Variants in SMG6 observed in about 807,000 individuals in gnomAD.
The protein encoded by SMG6 is SMG6 nonsense mediated mRNA decay factor, also known as telomerase-binding protein EST1A.
SMG6 carries 66 observed loss-of-function variants against 142.2 expected under a neutral mutation model. The ratio of observed to expected loss-of-function variants is 0.46; its 90% CI spans 0.38 to 0.57. The LOEUF (loss-of-function observed/expected upper bound fraction) is 0.57, where lower values mean the gene tolerates loss of function less well. Among genes scored for constraint, SMG6 ranks in the 20% least tolerant of loss-of-function variants. SMG6 has a pLI of 0.00. For synonymous variants in SMG6, 779 were observed against 702.4 expected, an observed-to-expected ratio of 1.11 and a Z score of -1.72; for missense variants, 1,793 against 1,832.0, an observed-to-expected ratio of 0.98 and a Z score of 0.39.
intron 13 of SMG6, among the ~76,000 whole-genome samples, chr17:2,121,436 G>C (rs1451594265): frequency 6.6e-6 from 1 of 151,954 alleles, no homozygotes; most frequent in African/African-American, 2.4e-5. Context: ...ATTTATATGG[G>C]GTTCTAAAAT....
At chr17:2,222,072 G>T (rs1023692728) in intron 10 of SMG6, among the ~76,000 whole-genome samples, 4 of 152,112 alleles carry the variant, frequency 2.6e-5, no homozygotes, top group African/African-American at 9.7e-5. Flanking sequence ...TATAACGCAT[G>T]TTTACTGAGA....
At chr17:2,077,627 C>T (rs1057137223) in intron 15 of SMG6, among the ~76,000 whole-genome samples, 3 of 152,178 alleles carry the variant, frequency 2.0e-5, no homozygotes, top group Non-Finnish European at 2.9e-5. Context: ...TGGTTCATTC[C>T]GAGGCCTCAC....
chr17:2,169,114 CA>C (rs1292678199), intron 13 of SMG6, among the ~76,000 whole-genome samples: 2 of 149,680 alleles, frequency 1.3e-5, no homozygotes, highest in East Asian at 4.1e-4. Flanking sequence ...ACTCAAAATA[CA>C]AAAAATTTAG....
intron 6 of SMG6, 91 bp downstream of exon 6, chr17:2,292,461 G>A: frequency 8.0e-7 from 1 of 1,255,654 alleles, no homozygotes; most frequent in Non-Finnish European, 1.2e-6. Context: ...GTGATGAGAT[G>A]AAATGAAGCT....
chr17:2,242,753 C>A (rs2073841448), intron 9 of SMG6, among the ~76,000 whole-genome samples: 1 of 143,564 alleles, frequency 7.0e-6, no homozygotes, highest in Non-Finnish European at 1.5e-5. Context: ...TCAACTGTCA[C>A]TTTAAGTGTA....
At chr17:2,190,494 T>C (rs2072126575) in intron 10 of SMG6, among the ~76,000 whole-genome samples, 1 of 152,208 alleles carries the variant, frequency 6.6e-6, no homozygotes, top group South Asian at 2.1e-4. Context: ...AGCCCAGTTC[T>C]GTATTTATGA....
At chr17:2,172,986 C>G in intron 12 of SMG6, 127 bp from the exon 13 acceptor site, 1 of 883,564 alleles carries the variant, frequency 1.1e-6, no homozygotes, top group Admixed American at 2.3e-5. Flanking sequence ...GCCAGGAAAT[C>G]ATACCCCAAA....
chr17:2,124,170 G>C (rs2069795284), intron 13 of SMG6, among the ~76,000 whole-genome samples: 1 of 152,220 alleles, frequency 6.6e-6, no homozygotes, highest in South Asian at 2.1e-4. Context: ...CTGACACCAG[G>C]ACACCCAAGT....
At chr17:2,247,652 G>A (rs1485019288) in intron 8 of SMG6, among the ~76,000 whole-genome samples, 1 of 151,540 alleles carries the variant, frequency 6.6e-6, no homozygotes, top group Non-Finnish European at 1.5e-5. Flanking sequence ...GCCGGGTGGT[G>A]GGTGCCTGTA....
intron 12 of SMG6, among the ~76,000 whole-genome samples, chr17:2,184,997 G>T (rs1267387460): frequency 2.4e-5 from 3 of 124,502 alleles, no homozygotes; most frequent in East Asian, 5.2e-4. Context: ...GACAGCTATA[G>T]ATGTGGACAC....
chr17:2,195,627 T>A, intron 10 of SMG6, among the ~76,000 whole-genome samples: 1 of 152,236 alleles, frequency 6.6e-6, no homozygotes, highest in East Asian at 1.9e-4. Flanking sequence ...TAACCATGAA[T>A]GACATGATTC....
chr17:2,145,767 G>C (rs2070651082), intron 13 of SMG6, among the ~76,000 whole-genome samples: 1 of 151,554 alleles, frequency 6.6e-6, no homozygotes, highest in South Asian at 2.1e-4. Flanking sequence ...AAGCCACAGA[G>C]AGGAAAATCC....
In SMG6 at chr17:2,299,186, T is replaced by C. The variant is rs150305573; in HGVS notation, c.1567A>G (p.Thr523Ala). 240 of 1,613,402 alleles carry C rather than the reference T, an allele frequency of 1.5e-4. 1 individual carries two copies. In the African/African-American group the frequency reaches 2.1e-3, roughly 14 times the overall value. Residue 523 changes from threonine (T) to alanine (A), a missense_variant, in exon 2 of 19, where the codon ACG becomes GCG. Coordinates refer to ENST00000263073, the MANE Select transcript of SMG6 (RefSeq NM_017575.5). This position sits in a 1 kb window ranked among gnomAD's most constrained non-coding sequence, Gnocchi z 4.3. ...TPGPASQYPY[T>A]GYNPLQYPVG... Reference sequence around the variant, plus strand: ...GGGTACTGTAGAGGGTTATAGCCCGTATAGGGATACTGGGAGGCAGGGCCT... The same window carrying C: ...GGGTACTGTAGAGGGTTATAGCCCGCATAGGGATACTGGGAGGCAGGGCCT...
chr17:2,232,209 T>C (rs911357422), intron 10 of SMG6, among the ~76,000 whole-genome samples: 2 of 152,090 alleles, frequency 1.3e-5, no homozygotes, highest in African/African-American at 2.4e-5. Flanking sequence ...TTCAAGAAAC[T>C]AGAGTTTTAT....
chr17:2,268,123 T>C (rs62069345), intron 8 of SMG6, among the ~76,000 whole-genome samples: 3,513 of 152,264 alleles, frequency 0.023, 56 homozygotes, highest in East Asian at 0.074. Flanking sequence ...TAGGCTGGTC[T>C]CCAACTCCTG....
chr17:2,087,455 CT>C (rs2068595463), intron 13 of SMG6: 6 of 1,107,696 alleles, frequency 5.4e-6, no homozygotes, highest in Non-Finnish European at 5.6e-6. Context: ...GTGTTCTCTG[CT>C]TTCTCTCACC....
intron 13 of SMG6, chr17:2,088,872 C>T (rs574720487): frequency 8.4e-4 from 821 of 982,478 alleles, no homozygotes; most frequent in Non-Finnish European, 9.4e-4. Context: ...AGAGGACCAC[C>T]GCTCTCTTGA....
At chr17:2,303,518 C>T (rs2075336382) in intron 1 of SMG6, 115 bp downstream of exon 1, 3 of 1,333,838 alleles carry the variant, frequency 2.2e-6, no homozygotes, top group Middle Eastern at 2.8e-4. Flanking sequence ...GCGCCTACTG[C>T]TGGGGGAAGG....
At chr17:2,128,492 G>A (rs1453078278) in intron 13 of SMG6, among the ~76,000 whole-genome samples, 2 of 152,056 alleles carry the variant, frequency 1.3e-5, no homozygotes, top group East Asian at 1.9e-4. Flanking sequence ...TGATGTCAAC[G>A]GTATTAACCT....
Sources: gnomAD v4.1 joint callset for allele counts (sites outside exome capture counted in the v4.1 genomes callset) on GRCh38, gnomAD v4.1.1 for gene constraint, Gnocchi (gnomAD v3.1) non-coding constraint, MANE v1.5 for transcripts, NCBI Gene and HGNC (gene_info 2026-07-23, HGNC 2026-07-21) for gene names.